Variants in PDE4D observed in about 807,000 individuals in gnomAD.
The protein encoded by PDE4D is phosphodiesterase 4D, also known as 3',5'-cyclic-AMP phosphodiesterase 4D.
A neutral mutation model predicts 87.4 loss-of-function variants in PDE4D; 24 were observed. The ratio of observed to expected loss-of-function variants is 0.27; its 90% confidence interval spans 0.20 to 0.39. The LOEUF (loss-of-function observed/expected upper bound fraction) is 0.39, where lower values mean the gene tolerates loss of function less well. PDE4D is among the 10% of genes least tolerant of loss of function. The probability of loss-of-function intolerance (pLI) is 1.00; values close to 1 mark genes in which losing one functional copy is unlikely to be tolerated. For missense variants in PDE4D, 714 were observed against 1,041.0 expected, an observed-to-expected ratio of 0.69 and a Z score of 4.32; for synonymous variants, 384 against 383.2, an observed-to-expected ratio of 1.00 and a Z score of -0.02.
chr5:59,111,400 T>C (rs1772611477), intron 5 of PDE4D, among the ~76,000 whole-genome samples: 1 of 152,296 alleles, frequency 6.6e-6, no homozygotes, highest in East Asian at 1.9e-4. Context: ...CTGGGGAAAT[T>C]CTACAGTTTT....
intron 11 of PDE4D, 116 bp from the exon 12 acceptor site, chr5:58,977,461 C>A (rs1318526448): frequency 1.2e-6 from 1 of 816,252 alleles, no homozygotes; most frequent in Non-Finnish European, 2.0e-6. Flanking sequence ...CTGCCCTTAT[C>A]ATTACCTGAC....
At chr5:60,473,111 G>A (rs1489876623) in intron 1 of PDE4D, among the ~76,000 whole-genome samples, 3 of 103,866 alleles carry the variant, frequency 2.9e-5, no homozygotes, top group East Asian at 2.6e-4. Flanking sequence ...GAAAGAAAGA[G>A]AGAGAGAGAA....
intron 1 of PDE4D, among the ~76,000 whole-genome samples, chr5:59,599,654 T>A (rs1281971614): frequency 6.6e-6 from 1 of 152,170 alleles, no homozygotes; most frequent in Non-Finnish European, 1.5e-5. Context: ...AATTAGAATG[T>A]CCATTTCAAA....
intron 1 of PDE4D, among the ~76,000 whole-genome samples, chr5:60,300,579 T>C (rs916063615): frequency 2.6e-5 from 4 of 152,146 alleles, no homozygotes; most frequent in South Asian, 4.1e-4. Context: ...TTTTTGTATA[T>C]GGTGTAAGGA....
chr5:59,727,934 G>T (rs186443426), intron 1 of PDE4D, among the ~76,000 whole-genome samples: 1 of 152,124 alleles, frequency 6.6e-6, no homozygotes, highest in East Asian at 1.9e-4. Context: ...ACTACTATTG[G>T]CTTCATTGAA....
At chr5:59,385,761 C>G (rs1431447254) in intron 1 of PDE4D, among the ~76,000 whole-genome samples, 3 of 152,158 alleles carry the variant, frequency 2.0e-5, no homozygotes, top group Admixed American at 1.3e-4. Context: ...CCAGAAGAGG[C>G]CTCCATTGAG....
intron 1 of PDE4D, among the ~76,000 whole-genome samples, chr5:59,849,012 T>A (rs892030982): frequency 6.6e-6 from 1 of 152,074 alleles, no homozygotes; most frequent in Admixed American, 6.6e-5. Context: ...TGCCTTTTCA[T>A]ACAACTCGGC....
chr5:59,099,319 G>A (rs540793015), intron 5 of PDE4D, among the ~76,000 whole-genome samples: 26 of 152,246 alleles, frequency 1.7e-4, no homozygotes, highest in African/African-American at 6.3e-4. Context: ...GTTCTTTACT[G>A]GAGCAAACTT....
intron 1 of PDE4D, among the ~76,000 whole-genome samples, chr5:59,849,155 A>G (rs1274686826): frequency 6.6e-6 from 1 of 152,064 alleles, no homozygotes; most frequent in African/African-American, 2.4e-5. Flanking sequence ...GGTGGGATAA[A>G]TAAGATAAAA....
At chr5:60,378,832 G>A (rs1183952202) in intron 1 of PDE4D, among the ~76,000 whole-genome samples, 2 of 151,920 alleles carry the variant, frequency 1.3e-5, no homozygotes, top group Admixed American at 6.6e-5. Flanking sequence ...CAGCCTGGGC[G>A]ACAGAGCGAC....
intron 1 of PDE4D, among the ~76,000 whole-genome samples, chr5:59,816,617 C>A (rs1236631810): frequency 6.6e-6 from 1 of 152,162 alleles, no homozygotes; most frequent in Non-Finnish European, 1.5e-5. Context: ...TGGGGATATA[C>A]AATGTATATT....
chr5:59,038,967 C>T lies in PDE4D; in HGVS notation c.813G>A (p.Glu271=), dbSNP rs1172951021. ...TCTCGCTGGCCAGTTTCTGGTAGGC[C>T]TCCTCTGCGAAGAGACAGGGAAAGG... The part of the protein sequence containing the change: ...PSINKATITE[E]AYQKLASETL... Residue 271 remains glutamate, a synonymous_variant, in exon 6 of 15, where the codon GAG becomes GAA. Transcript: ENST00000340635. The T allele has an allele frequency of 1.9e-6, 3 of 1,580,746 alleles. No homozygotes were observed. Among genetic ancestry groups the T allele is most frequent in the Non-Finnish European group, 2.6e-6 (3 of 1,162,406 alleles).
chr5:59,223,249 T>C (rs1393278019), intron 1 of PDE4D, among the ~76,000 whole-genome samples: 1 of 152,178 alleles, frequency 6.6e-6, no homozygotes, highest in Non-Finnish European at 1.5e-5. Flanking sequence ...AATAATTTCC[T>C]ACCAGGAAGT....
intron 1 of PDE4D, among the ~76,000 whole-genome samples, chr5:59,451,451 C>T (rs1401181535): frequency 6.6e-6 from 1 of 152,186 alleles, no homozygotes; most frequent in Non-Finnish European, 1.5e-5. Flanking sequence ...ACATACAGCG[C>T]ACCTGACTCC....
intron 1 of PDE4D, among the ~76,000 whole-genome samples, chr5:59,802,253 A>T (rs546370352): frequency 8.8e-4 from 133 of 151,896 alleles, no homozygotes; most frequent in African/African-American, 2.9e-3. Flanking sequence ...TTTTTTTTAA[A>T]GTTCTCTAGG....
intron 1 of PDE4D, among the ~76,000 whole-genome samples, chr5:59,684,729 C>T (rs980996432): frequency 6.6e-6 from 1 of 152,196 alleles, no homozygotes; most frequent in African/African-American, 2.4e-5. Context: ...TTAGCTAAGG[C>T]CATACCTCCC....
chr5:59,692,948 A>G (rs1319055112), intron 1 of PDE4D, among the ~76,000 whole-genome samples: 4 of 152,184 alleles, frequency 2.6e-5, no homozygotes, highest in African/African-American at 9.6e-5. Flanking sequence ...AGGGACAGAC[A>G]AGTATTCAAA....
intron 5 of PDE4D, among the ~76,000 whole-genome samples, chr5:59,138,942 C>T (rs28562290): frequency 0.012 from 1,808 of 152,182 alleles, 32 homozygotes; most frequent in African/African-American, 0.042. Context: ...TGCTTAAATT[C>T]GGGAGAAATT....
chr5:58,977,437 C>T, intron 11 of PDE4D, 92 bp from the exon 12 acceptor site: 1 of 1,164,574 alleles, frequency 8.6e-7, no homozygotes, highest in Non-Finnish European at 1.2e-6. Context: ...TGTAATTTCC[C>T]CTAAACTTCT....
Sources: gnomAD v4.1 joint callset for allele counts (sites outside exome capture counted in the v4.1 genomes callset) on GRCh38, gnomAD v4.1.1 for gene constraint, MANE v1.5 for transcripts, NCBI Gene and HGNC (gene_info 2026-07-23, HGNC 2026-07-21) for gene names.